Variants in KIAA0040 observed in about 807,000 individuals in gnomAD.
KIAA0040 encodes the protein uncharacterized protein KIAA0040.
In KIAA0040, 10 loss-of-function variants were observed where a neutral mutation model predicts 7.2. The observed-to-expected ratio is 1.38, with a 90% CI of 0.85 to 2.34. The LOEUF is 2.34. Ranked by LOEUF, KIAA0040 falls within the 30% of genes most tolerant of loss-of-function variation. The probability of loss-of-function intolerance (pLI) is 0.00; values close to 1 mark genes in which losing one functional copy is unlikely to be tolerated. For synonymous variants in KIAA0040, 49 were observed against 40.1 expected, an observed-to-expected ratio of 1.22 and a Z score of -0.84; for missense variants, 89 against 108.2, an observed-to-expected ratio of 0.82 and a Z score of 0.79.
In KIAA0040 at chr1:175,160,057, A is replaced by G. The variant is rs1676466282; in HGVS notation, c.*657T>C. The G allele has an allele frequency of 6.5e-6, 1 of 153,750 alleles. No individual in the cohort carries two copies. Among genetic ancestry groups the G allele is most frequent in the Admixed American group, 6.5e-5 (1 of 15,288 alleles). The allele number at this position is 153,750 out of a possible 1,614,324, so 9.5% of individuals were successfully genotyped here. ...ACTTGGTGTGTCTGTATCAAGACAC[A>G]CAAGGGTGGGGACTGTAGCAGGTTG... On this transcript the variant is annotated 3_prime_UTR_variant, in exon 4 of 4. Coordinates refer to ENST00000423313, the MANE Select transcript of KIAA0040 (RefSeq NM_014656.3).
chr1:175,167,435 A>C (rs1464202733), intron 2 of KIAA0040, among the ~76,000 whole-genome samples: 1 of 152,188 alleles, frequency 6.6e-6, no homozygotes, highest in Non-Finnish European at 1.5e-5. Flanking sequence ...TGTCCCTGAA[A>C]AGGACCTGAA....
At chr1:175,178,111 T>C (rs528875318) in intron 1 of KIAA0040, among the ~76,000 whole-genome samples, 43 of 152,292 alleles carry the variant, frequency 2.8e-4, no homozygotes, top group Admixed American at 2.1e-3. Flanking sequence ...AAATCCCCTC[T>C]ACAACCAGGC....
At chr1:175,163,263 T>C (rs1490565744) in intron 3 of KIAA0040, among the ~76,000 whole-genome samples, 4 of 152,242 alleles carry the variant, frequency 2.6e-5, no homozygotes, top group East Asian at 1.9e-4. Context: ...TCCCAGTCTA[T>C]TGTAGGAAAG....
intron 1 of KIAA0040, among the ~76,000 whole-genome samples, chr1:175,178,650 T>C (rs1677304274): frequency 1.3e-5 from 2 of 152,142 alleles, no homozygotes; most frequent in Admixed American, 1.3e-4. Flanking sequence ...TTCACGAACC[T>C]TAGAGCACTG....
intron 3 of KIAA0040, among the ~76,000 whole-genome samples, chr1:175,162,757 A>C (rs1159746826): frequency 6.6e-6 from 1 of 152,162 alleles, no homozygotes; most frequent in Non-Finnish European, 1.5e-5. Context: ...TGCCTATCTA[A>C]GCCCCAGCTG....
At position 175,157,052 on chromosome 1, in the gene KIAA0040, A is replaced by G. The variant is rs1425216996; in HGVS notation, c.*3662T>C. The G allele has an allele frequency of 6.6e-6, 1 of 152,012 alleles. No homozygotes were observed. The highest frequency in any genetic ancestry group is 1.5e-5 in the Non-Finnish European group (1 of 68,014). 9.4% of individuals were successfully genotyped at this position (152,012 alleles called of 1,614,324 possible). A position where few individuals can be genotyped will look rare whatever the true frequency, so the allele number is the denominator to read the frequency against. ...TAAATAGTCACATGTGGCTATTGGT[A>G]CCATATTGAACCATATTGAACAGTG... On this transcript the variant is annotated 3_prime_UTR_variant, in exon 4 of 4. Transcript: ENST00000423313.
rs764422998 is a variant in KIAA0040 at position 175,160,808 on chromosome 1, TTC to T, written c.204_205del (p.Lys69GlufsTer8). ...TTCATCCTTCTTCTTCTTCTTCTTC[TTC>T]TTCTTCTTGTTCTTCTCTGGCTGCT... On this transcript the variant is annotated frameshift_variant, in exon 4 of 4. Coordinates refer to ENST00000423313, the MANE Select transcript of KIAA0040 (RefSeq NM_014656.3). LOFTEE classifies it high-confidence loss of function. 7.7e-4 allele frequency: 1,127 copies of T among 1,460,260 alleles called. 10 individuals carry two copies. The East Asian group carries it at 0.022, about 28-fold the overall frequency. 90.5% of individuals were successfully genotyped at this position (1,460,260 alleles called of 1,614,324 possible).
In KIAA0040 at chr1:175,192,761, A is replaced by C. The variant is rs1558405217; in HGVS notation, c.-505T>G. ...CCTTTTTGGTTGCCTCTGCACTCCC[A>C]CCCCGAGCCAGGTCTGGCGTGTAGG... On this transcript the variant is annotated 5_prime_UTR_variant, in exon 1 of 4. Coordinates refer to ENST00000423313, the MANE Select transcript of KIAA0040 (RefSeq NM_014656.3). 1.3e-5 allele frequency: 2 copies of C among 151,418 alleles called. No homozygotes were observed. Among genetic ancestry groups the C allele is most frequent in the Non-Finnish European group, 3.0e-5 (2 of 67,692 alleles). The allele number at this position is 151,418 out of a possible 1,614,324, so 9.4% of individuals were successfully genotyped here.
At position 175,167,722 on chromosome 1, in the gene KIAA0040, G is replaced by A. The variant is rs182623087; in HGVS notation, c.-309-985C>T. On this transcript the variant is annotated intron_variant, in intron 2 of 3. Coordinates refer to ENST00000423313, the MANE Select transcript of KIAA0040 (RefSeq NM_014656.3). ...AGCTGGGCCAAGGGTGATGGTGGTC[G>A]GAAAGGGCGGGATGATGGCGTGGCT... Among the ~76,000 whole-genome samples, 608 of 152,242 alleles carry A rather than the reference G, an allele frequency of 4.0e-3. 2 individuals are homozygous for A. The highest frequency in any genetic ancestry group is 7.1e-3 in the Non-Finnish European group (484 of 68,012).
intron 2 of KIAA0040, among the ~76,000 whole-genome samples, chr1:175,174,851 T>C (rs1677124281): frequency 1.3e-5 from 2 of 152,160 alleles, no homozygotes; most frequent in African/African-American, 4.8e-5. Context: ...CACATCCTGG[T>C]ATTAGTGCTA....
In KIAA0040 at chr1:175,160,971, T is replaced by C. The variant is rs1177188570; in HGVS notation, c.43A>G (p.Ile15Val). ...SAFFSSIWDT[I>V]LTKHQEGIYN... ...ATGCCTTCTTGGTGTTTGGTCAAGATGGTGTCCCAGATAGAGCTGAAGAAG... is the reference window on the plus strand; with the variant it reads ...ATGCCTTCTTGGTGTTTGGTCAAGACGGTGTCCCAGATAGAGCTGAAGAAG... Residue 15 changes from isoleucine (I) to valine (V), a missense_variant, in exon 4 of 4, where the codon ATC becomes GTC. Coordinates refer to ENST00000423313, the MANE Select transcript of KIAA0040 (RefSeq NM_014656.3). 17 of 1,551,496 alleles carry C rather than the reference T, an allele frequency of 1.1e-5. No homozygotes were observed. The highest frequency in any genetic ancestry group is 1.5e-5 in the Non-Finnish European group (17 of 1,146,982).
intron 2 of KIAA0040, among the ~76,000 whole-genome samples, chr1:175,176,662 T>C (rs987016721): frequency 2.9e-5 from 4 of 136,238 alleles, no homozygotes; most frequent in African/African-American, 5.4e-5. Context: ...TCAGGTTAAG[T>C]AGCATGCTTT....
chr1:175,173,362 C>T (rs566066687), intron 2 of KIAA0040, among the ~76,000 whole-genome samples: 2 of 152,308 alleles, frequency 1.3e-5, no homozygotes, highest in East Asian at 3.9e-4. Flanking sequence ...CCATCATTTG[C>T]TGAGTTCTTA....
chr1:175,163,749 A>T (rs1676641892), intron 3 of KIAA0040, among the ~76,000 whole-genome samples: 1 of 152,084 alleles, frequency 6.6e-6, no homozygotes, highest in African/African-American at 2.4e-5. Flanking sequence ...AGCTTTCCTG[A>T]TTCACGTTAG....
chr1:175,162,724 G>C (rs1381964835), intron 3 of KIAA0040, among the ~76,000 whole-genome samples: 1 of 152,126 alleles, frequency 6.6e-6, no homozygotes, highest in Non-Finnish European at 1.5e-5. Context: ...CTCTATCAAT[G>C]TCTCATGATC....
intron 2 of KIAA0040, among the ~76,000 whole-genome samples, chr1:175,168,321 T>C (rs1676853125): frequency 6.6e-6 from 1 of 152,192 alleles, no homozygotes; most frequent in South Asian, 2.1e-4. Flanking sequence ...GAAATAGGTA[T>C]CTACATTTTC....
intron 1 of KIAA0040, among the ~76,000 whole-genome samples, chr1:175,186,278 T>C (rs181185442): frequency 2.0e-3 from 303 of 152,198 alleles, no homozygotes; most frequent in African/African-American, 6.8e-3. Context: ...AATGGCAGAG[T>C]TTCCCTTATT....
chr1:175,160,899 C>G lies in KIAA0040; in HGVS notation c.115G>C (p.Val39Leu). 4 of 1,551,568 alleles carry G rather than the reference C, an allele frequency of 2.6e-6. No homozygotes were observed. The African/African-American group carries it at 5.5e-5, about 21-fold the overall frequency. ...CAGATGAAGAGGAGTGTGATGATCA[C>G]CAAGAGTGGCAGGCCCAGGAGGACT... is the stretch of plus-strand genomic sequence containing the variant. ...LGVLLGLPLL[V>L]IITLLFICCH... Residue 39 changes from valine to leucine, a missense_variant, in exon 4 of 4, where the codon GTG becomes CTG. By Grantham distance (32) the Val-to-Leu change is conservative. Transcript: ENST00000423313.
chr1:175,183,967 G>T (rs138516514), intron 1 of KIAA0040, among the ~76,000 whole-genome samples: 1 of 152,326 alleles, frequency 6.6e-6, no homozygotes, highest in East Asian at 1.9e-4. Context: ...GGAAAAAAAT[G>T]GAAGCAGCCA....
Sources: gnomAD v4.1 joint callset for allele counts (sites outside exome capture counted in the v4.1 genomes callset) on GRCh38, gnomAD v4.1.1 for gene constraint, MANE v1.5 for transcripts, NCBI Gene and HGNC (gene_info 2026-07-23, HGNC 2026-07-21) for gene names.